The following SHROOM3 variants were observed in gnomAD, a reference collection of about 807,000 sequenced individuals.
SHROOM3 encodes the protein protein Shroom3.
In SHROOM3, 47 loss-of-function variants were observed where a neutral mutation model predicts 138.6. That is an observed-to-expected ratio of 0.34 (90% confidence interval 0.27 to 0.43). The LOEUF (loss-of-function observed/expected upper bound fraction) is 0.43, where lower values mean the gene tolerates loss of function less well. Among genes scored for constraint, SHROOM3 ranks in the 20% least tolerant of loss-of-function variants. The probability of loss-of-function intolerance (pLI) is 1.00; values close to 1 mark genes in which losing one functional copy is unlikely to be tolerated. For missense variants in SHROOM3, 2,491 were observed against 2,596.5 expected, an observed-to-expected ratio of 0.96 and a Z score of 0.88; for synonymous variants, 1,062 against 1,063.3, an observed-to-expected ratio of 1.00 and a Z score of 0.02.
At chr4:76,768,451 ATAT>A (rs1254214584) in intron 9 of SHROOM3, among the ~76,000 whole-genome samples, 1 of 152,186 alleles carries the variant, frequency 6.6e-6, no homozygotes, top group Non-Finnish European at 1.5e-5. Flanking sequence ...TAAATAATTA[ATAT>A]TAAGCAATTT....
chr4:76,446,768 G>A (rs984161740), intron 1 of SHROOM3, among the ~76,000 whole-genome samples: 4 of 152,202 alleles, frequency 2.6e-5, no homozygotes, highest in Non-Finnish European at 4.4e-5. Flanking sequence ...CCGGTTATGA[G>A]CTGGGCACCA....
chr4:76,650,280 G>T (rs1029609420), intron 2 of SHROOM3, among the ~76,000 whole-genome samples: 11 of 152,134 alleles, frequency 7.2e-5, no homozygotes, highest in Non-Finnish European at 1.5e-4. Context: ...CAAAAGACAG[G>T]CAATGACAAA....
At chr4:76,574,641 T>TA (rs1733901743) in intron 2 of SHROOM3, among the ~76,000 whole-genome samples, 1 of 152,164 alleles carries the variant, frequency 6.6e-6, no homozygotes, top group South Asian at 2.1e-4. Context: ...TGTATAGCCT[T>TA]AAAAGCAAAG....
intron 9 of SHROOM3, among the ~76,000 whole-genome samples, chr4:76,766,570 A>G (rs1722162861): frequency 6.6e-6 from 1 of 152,332 alleles, no homozygotes; most frequent in East Asian, 1.9e-4. Context: ...AGCTCCTGAG[A>G]GACTAGTGTG....
chr4:76,646,393 A>G (rs762025847), intron 2 of SHROOM3, among the ~76,000 whole-genome samples: 60 of 151,752 alleles, frequency 4.0e-4, no homozygotes, highest in Non-Finnish European at 6.2e-4. Context: ...CCACCTTCCA[A>G]TCTTTAAGAA....
chr4:76,544,731 T>G (rs1169087819), intron 1 of SHROOM3, among the ~76,000 whole-genome samples: 1 of 152,200 alleles, frequency 6.6e-6, no homozygotes, highest in African/African-American at 2.4e-5. Context: ...TTTTGAGAGA[T>G]ATTCTAGTTA....
At chr4:76,612,353 T>C (rs528171436) in intron 2 of SHROOM3, among the ~76,000 whole-genome samples, 29 of 152,310 alleles carry the variant, frequency 1.9e-4, no homozygotes, top group Non-Finnish European at 3.1e-4. Context: ...ACTCATGATA[T>C]AGAAATACTT....
intron 3 of SHROOM3, among the ~76,000 whole-genome samples, chr4:76,719,521 A>G (rs1720473197): frequency 6.6e-6 from 1 of 152,236 alleles, no homozygotes; most frequent in Non-Finnish European, 1.5e-5. Flanking sequence ...GCTATTACAC[A>G]TCATAGATAT....
At chr4:76,743,274 C>T (rs763293900) in intron 5 of SHROOM3, among the ~76,000 whole-genome samples, 2 of 152,232 alleles carry the variant, frequency 1.3e-5, no homozygotes, top group Admixed American at 6.5e-5. Flanking sequence ...CTCTATCACA[C>T]GCATACAGCA....
intron 2 of SHROOM3, among the ~76,000 whole-genome samples, chr4:76,647,387 G>A (rs1040140960): frequency 1.3e-5 from 2 of 152,078 alleles, no homozygotes; most frequent in Non-Finnish European, 2.9e-5. Context: ...AATGTATTGT[G>A]TATTTCACAG....
intron 1 of SHROOM3, among the ~76,000 whole-genome samples, chr4:76,477,650 T>C (rs1305798384): frequency 6.6e-6 from 1 of 152,208 alleles, no homozygotes; most frequent in Non-Finnish European, 1.5e-5. Context: ...ATCAAGAACA[T>C]GTTAAAGAAC....
chr4:76,755,730 G>T (rs1421707219), intron 7 of SHROOM3, among the ~76,000 whole-genome samples: 1 of 152,120 alleles, frequency 6.6e-6, no homozygotes, highest in African/African-American at 2.4e-5. Context: ...AGAGAGACTG[G>T]GATGTGAATG....
At chr4:76,440,565 C>G (rs1194394398) in intron 1 of SHROOM3, among the ~76,000 whole-genome samples, 2 of 152,194 alleles carry the variant, frequency 1.3e-5, no homozygotes, top group African/African-American at 2.4e-5. Flanking sequence ...GCTCAGTCAA[C>G]TGCTTTAAGT....
intron 1 of SHROOM3, among the ~76,000 whole-genome samples, chr4:76,509,005 C>T (rs1732274794): frequency 6.6e-6 from 1 of 152,214 alleles, no homozygotes; most frequent in East Asian, 1.9e-4. Flanking sequence ...AGCACTAATC[C>T]CATTCATGAG....
chr4:76,751,145 A>T (rs1721610269), intron 6 of SHROOM3, among the ~76,000 whole-genome samples: 1 of 152,218 alleles, frequency 6.6e-6, no homozygotes, highest in Non-Finnish European at 1.5e-5. Flanking sequence ...AGAAGACACA[A>T]AAAAGTATAA....
At chr4:76,502,878 C>T (rs1732129527) in intron 1 of SHROOM3, among the ~76,000 whole-genome samples, 1 of 152,092 alleles carries the variant, frequency 6.6e-6, no homozygotes, top group African/African-American at 2.4e-5. Flanking sequence ...GAACCTAGAA[C>T]CTTTTATTTA....
chr4:76,601,041 G>T (rs932642051), intron 2 of SHROOM3, among the ~76,000 whole-genome samples: 4 of 152,100 alleles, frequency 2.6e-5, no homozygotes, highest in Non-Finnish European at 5.9e-5. Context: ...TTACTTTAAC[G>T]GCAAAAGCCA....
intron 1 of SHROOM3, among the ~76,000 whole-genome samples, chr4:76,541,902 G>A (rs992292758): frequency 1.3e-5 from 2 of 152,088 alleles, no homozygotes; most frequent in Admixed American, 6.5e-5. Flanking sequence ...GTACTAAAAC[G>A]GGATGGAGCA....
In SHROOM3 at chr4:76,779,178, C is replaced by A; in HGVS notation, c.*1C>A. 6.3e-7 allele frequency: 1 copy of A among 1,599,448 alleles called. No individual in the cohort carries two copies. The highest frequency in any genetic ancestry group is 1.7e-4 in the Middle Eastern group (1 of 5,966). ...CCCAACATTAACCTCTCCACTTTAACCTCTTCTAAAATACCCAACCAAAAG... is the reference window on the plus strand; with the variant it reads ...CCCAACATTAACCTCTCCACTTTAAACTCTTCTAAAATACCCAACCAAAAG... On this transcript the variant is annotated 3_prime_UTR_variant, in exon 11 of 11. Coordinates refer to ENST00000296043, the MANE Select transcript of SHROOM3 (RefSeq NM_020859.4).
Sources: allele counts gnomAD v4.1 joint callset (sites outside exome capture counted in the v4.1 genomes callset), GRCh38; gene constraint gnomAD v4.1.1; transcripts MANE v1.5; gene names NCBI Gene and HGNC (gene_info 2026-07-23, HGNC 2026-07-21).